PCDHA3: variants seen among roughly 807,000 people sequenced by gnomAD.
The protein encoded by PCDHA3 is protocadherin alpha 3, also known as protocadherin alpha-3.
PCDHA3 carries 41 observed loss-of-function variants against 62.2 expected under a neutral mutation model. That is an observed-to-expected ratio of 0.66 (90% CI 0.51 to 0.86). The LOEUF is 0.86. Among genes scored for constraint, PCDHA3 ranks in the 40% least tolerant of loss-of-function variants. The pLI is 0.00. For missense variants in PCDHA3, 1,304 were observed against 1,241.2 expected (o/e 1.05, Z -0.76); for synonymous variants, 640 against 555.4 (o/e 1.15, Z -2.14).
intron 1 of PCDHA3, chr5:140,829,891 C>A (rs1554132360): frequency 6.2e-7 from 1 of 1,613,952 alleles, no homozygotes; most frequent in Non-Finnish European, 8.5e-7. Context: ...TTGACGCCGA[C>A]TCAGGCTACA....
chr5:140,829,536 C>A, intron 1 of PCDHA3: 1 of 1,613,152 alleles, frequency 6.2e-7, no homozygotes, highest in Middle Eastern at 1.9e-4. Flanking sequence ...GCGCGAGACG[C>A]GGACGCGCAG....
intron 1 of PCDHA3, chr5:140,930,126 C>T (rs1286889846): frequency 6.6e-6 from 1 of 152,108 alleles, no homozygotes; most frequent in Non-Finnish European, 1.5e-5. Flanking sequence ...GGATATAGGA[C>T]TTGACAACCT....
Position 140,893,829 on chromosome 5 carries a change from A to G in PCDHA3, c.2395-85120A>G, listed in dbSNP as rs528174798. On this transcript the variant is annotated intron_variant, in intron 1 of 3. Transcript: ENST00000522353. ...TTGAGTCTGGTACCGTAGACTACTC[A>G]GCCATCCTGATGCCCTACCTCTTGT... Among the ~76,000 whole-genome samples the G allele has an allele frequency of 2.0e-5, 3 of 152,296 alleles. No homozygotes were observed. The South Asian group carries it at 6.2e-4, about 32-fold the overall frequency.
At chr5:140,817,990 C>T (rs1344899223) in intron 1 of PCDHA3, among the ~76,000 whole-genome samples, 4 of 152,120 alleles carry the variant, frequency 2.6e-5, no homozygotes, top group Non-Finnish European at 5.9e-5. Flanking sequence ...ACTTTGTATA[C>T]TTACTCTGTT....
Position 140,978,986 on chromosome 5 carries a change from C to A in PCDHA3, c.2432C>A (p.Ser811Tyr). The change falls in exon 2 of 4, where the codon TCC becomes TAC. Residue 811 changes from serine (S) to tyrosine (Y), a missense_variant. Ser to Tyr is a moderately radical substitution (Grantham distance 144). Coordinates refer to ENST00000522353, the MANE Select transcript of PCDHA3 (RefSeq NM_018906.3). ...AACCCTGACTGGCGTTACTCTGCCT[C>A]CCTGAGAGCAGGCATGCACAGGTAT... ...QPNPDWRYSA[S>Y]LRAGMHSSVH... is the part of the protein sequence containing the mutation. The A allele has an allele frequency of 6.2e-7, 1 of 1,614,190 alleles. No homozygotes were observed. The highest frequency in any genetic ancestry group is 1.7e-5 in the Admixed American group (1 of 60,026).
At position 140,848,981 on chromosome 5, in the gene PCDHA3, C is replaced by A. The variant is rs2150427833; in HGVS notation, c.2394+45390C>A. 2.6e-5 allele frequency: 41 copies of A among 1,598,746 alleles called. No homozygotes were observed. The Middle Eastern group carries it at 5.0e-4, about 19-fold the overall frequency. On this transcript the variant is annotated intron_variant, in intron 1 of 3. Transcript: ENST00000522353. ...TAGAGGGCGCGTCCGATGCAGATAT[C>A]GGGGAGAACGCCCTGCTCACTTACA...
At position 140,844,249 on chromosome 5, in the gene PCDHA3, G is replaced by A. The variant is rs2150370021; in HGVS notation, c.2394+40658G>A. Among the ~76,000 whole-genome samples, 545 of 149,548 alleles carry A rather than the reference G, an allele frequency of 3.6e-3. 48 individuals carry two copies. The highest frequency in any genetic ancestry group is 5.8e-3 in the Non-Finnish European group (388 of 66,804). ...TGGTGTTTCACTATTGCCGTTTTAA[G>A]CAGTGTAGTGATAAAATACAGAATG... On this transcript the variant is annotated intron_variant, in intron 1 of 3. Coordinates refer to ENST00000522353, the MANE Select transcript of PCDHA3 (RefSeq NM_018906.3).
intron 2 of PCDHA3, among the ~76,000 whole-genome samples, chr5:140,979,718 TGCCATGGG>T (rs1430155366): frequency 1.3e-5 from 2 of 152,270 alleles, no homozygotes; most frequent in Non-Finnish European, 2.9e-5. Context: ...CCAGTATCCA[TGCCATGGG>T]GCCAAATAAA....
intron 1 of PCDHA3, chr5:140,809,319 T>A (rs782158465): frequency 1.9e-6 from 3 of 1,614,108 alleles, no homozygotes; most frequent in South Asian, 2.2e-5. Context: ...TCCAGCCTTT[T>A]GGTGCTCACG....
chr5:140,975,707 A>G (rs1445809800), intron 1 of PCDHA3, among the ~76,000 whole-genome samples: 1 of 152,204 alleles, frequency 6.6e-6, no homozygotes, highest in East Asian at 1.9e-4. Context: ...ATTTTACTTT[A>G]AATCTTAGAA....
intron 1 of PCDHA3, among the ~76,000 whole-genome samples, chr5:140,925,964 C>CA (rs782520997): frequency 4.3e-4 from 65 of 150,204 alleles, no homozygotes; most frequent in Middle Eastern, 3.4e-3. Flanking sequence ...TGCTATCACG[C>CA]AAAAAAAAAG....
chr5:140,937,950 T>C (rs1483679576), intron 1 of PCDHA3, among the ~76,000 whole-genome samples: 1 of 152,164 alleles, frequency 6.6e-6, no homozygotes, highest in African/African-American at 2.4e-5. Flanking sequence ...AATTGGCTTT[T>C]GTTGAAAGTA....
At chr5:140,915,982 G>A (rs1563009608) in intron 1 of PCDHA3, among the ~76,000 whole-genome samples, 3 of 152,230 alleles carry the variant, frequency 2.0e-5, no homozygotes, top group South Asian at 2.1e-4. Flanking sequence ...ATTTGACTAC[G>A]GCTAAGCTGG....
rs112376305 is a variant in PCDHA3, at chr5:140,821,957, G to A, written c.2394+18366G>A. The stretch of plus-strand genomic sequence containing the variant: ...CTGGAGCTGGCGGAGCTGGTGCCGC[G>A]CCTGTTCCGGGTGGCGTCCAAGGGC... On this transcript the variant is annotated intron_variant, in intron 1 of 3. Coordinates refer to ENST00000522353, the MANE Select transcript of PCDHA3 (RefSeq NM_018906.3). 511 of 1,614,186 alleles carry A rather than the reference G, an allele frequency of 3.2e-4. 2 individuals are homozygous for A. Among genetic ancestry groups the A allele is most frequent in the East Asian group, 1.1e-4 (5 of 44,890 alleles).
chr5:140,975,216 G>A (rs1349439819), intron 1 of PCDHA3, among the ~76,000 whole-genome samples: 1 of 152,198 alleles, frequency 6.6e-6, no homozygotes, highest in Non-Finnish European at 1.5e-5. Context: ...TGGCACTGGA[G>A]AATCTTCCCT....
intron 3 of PCDHA3, among the ~76,000 whole-genome samples, chr5:141,007,101 A>T (rs1412645072): frequency 6.6e-5 from 10 of 152,188 alleles, no homozygotes; most frequent in African/African-American, 1.7e-4. Flanking sequence ...TCTAGGGCCA[A>T]ACCCAAGGAA....
chr5:140,943,257 C>CA (rs1238620023), intron 1 of PCDHA3, among the ~76,000 whole-genome samples: 3,333 of 76,804 alleles, frequency 0.043, 169 homozygotes, highest in Admixed American at 0.1. Context: ...GACTCTGTCT[C>CA]AAAAAAAAAA....
At chr5:140,851,471 A>G in intron 1 of PCDHA3, 5 of 893,550 alleles carry the variant, frequency 5.6e-6, no homozygotes, top group Non-Finnish European at 6.8e-6. Context: ...ATGTCAATAA[A>G]TGTTATAAAC....
intron 1 of PCDHA3, chr5:140,857,969 T>A: frequency 6.3e-7 from 1 of 1,596,804 alleles, no homozygotes; most frequent in Non-Finnish European, 8.6e-7. Context: ...TGAGACTGAC[T>A]CGCCACGCCA....
Sources: allele counts gnomAD v4.1 joint callset (sites outside exome capture counted in the v4.1 genomes callset), GRCh38; gene constraint gnomAD v4.1.1; transcripts MANE v1.5; gene names NCBI Gene and HGNC (gene_info 2026-07-23, HGNC 2026-07-21).